FREM2: variants seen among roughly 807,000 people sequenced by gnomAD.
FREM2 encodes the protein FRAS1-related extracellular matrix protein 2.
FREM2 carries 119 observed loss-of-function variants against 219.9 expected under a neutral mutation model. The observed-to-expected ratio is 0.54, with a 90% CI of 0.47 to 0.63. The LOEUF (loss-of-function observed/expected upper bound fraction) is 0.63, where lower values mean the gene tolerates loss of function less well. Among genes scored for constraint, FREM2 ranks in the 30% least tolerant of loss-of-function variants. The probability of loss-of-function intolerance (pLI) is 0.00; values close to 1 mark genes in which losing one functional copy is unlikely to be tolerated. For synonymous variants in FREM2, 1,562 were observed against 1,522.8 expected (o/e 1.03, Z -0.60); for missense variants, 4,030 against 3,993.6 (o/e 1.01, Z -0.25).
chr13:38,829,051 A>G (rs867891790), intron 6 of FREM2, among the ~76,000 whole-genome samples: 2 of 152,238 alleles, frequency 1.3e-5, no homozygotes, highest in Admixed American at 1.3e-4. Context: ...CATGTTATAT[A>G]TATTCTCTCA....
chr13:38,814,033 T>A (rs1480646771), intron 6 of FREM2, among the ~76,000 whole-genome samples: 1 of 152,170 alleles, frequency 6.6e-6, no homozygotes, highest in Non-Finnish European at 1.5e-5. Context: ...CTATAATTTC[T>A]GTTTGATTCT....
intron 2 of FREM2, among the ~76,000 whole-genome samples, chr13:38,740,853 A>T (rs1872214000): frequency 1.3e-5 from 2 of 152,214 alleles, no homozygotes; most frequent in African/African-American, 2.4e-5. Flanking sequence ...AGAAGATAAG[A>T]ATCAGGACTT....
chr13:38,706,685 T>C (rs2138089481), intron 2 of FREM2, among the ~76,000 whole-genome samples: 1 of 152,302 alleles, frequency 6.6e-6, no homozygotes, highest in African/African-American at 2.4e-5. Flanking sequence ...AGGAAAACTA[T>C]ATGCTTTTTA....
intron 15 of FREM2, among the ~76,000 whole-genome samples, chr13:38,863,673 TGTA>T (rs1361678020): frequency 6.6e-6 from 1 of 152,192 alleles, no homozygotes; most frequent in Non-Finnish European, 1.5e-5. Flanking sequence ...TATCATATCT[TGTA>T]GTCTCTGAAA....
intron 6 of FREM2, among the ~76,000 whole-genome samples, chr13:38,791,521 CA>C (rs1400883946): frequency 6.6e-6 from 1 of 152,154 alleles, no homozygotes; most frequent in Non-Finnish European, 1.5e-5. Context: ...CACAGTTCCA[CA>C]TGCCCGGGAA....
At position 38,691,137 on chromosome 13, in the gene FREM2, T is replaced by C; in HGVS notation, c.3793T>C (p.Tyr1265His). ...GATCATAGAGAGTTCCAGCATTATT[T>C]ATGAGCATGATGACTCCGAGACCCA... is the stretch of plus-strand genomic sequence containing the variant. ...DQIIESSSIIYEHDDSETQED... is the reference protein window; with the variant it reads ...DQIIESSSIIHEHDDSETQED... Residue 1265 changes from tyrosine to histidine, a missense_variant, in exon 1 of 24, where the codon TAT becomes CAT. Tyr to His is a moderately conservative substitution (Grantham distance 83). This residue lies in a region of FREM2 where 3,102 missense variants were observed against 2,950.7 expected (regional missense o/e 1.05). Coordinates refer to ENST00000280481, the MANE Select transcript of FREM2 (RefSeq NM_207361.6). 7 of 1,614,092 alleles carry C rather than the reference T, an allele frequency of 4.3e-6. No individual in the cohort carries two copies. Among genetic ancestry groups the C allele is most frequent in the Non-Finnish European group, 5.9e-6 (7 of 1,180,018 alleles).
At chr13:38,728,191 T>A (rs766248307) in intron 2 of FREM2, among the ~76,000 whole-genome samples, 2 of 152,120 alleles carry the variant, frequency 1.3e-5, no homozygotes, top group Non-Finnish European at 2.9e-5. Context: ...TTGTATTCTT[T>A]TTTTTTTCCT....
chr13:38,752,546 T>C (rs1005568414), intron 2 of FREM2, among the ~76,000 whole-genome samples: 9 of 152,172 alleles, frequency 5.9e-5, no homozygotes, highest in Non-Finnish European at 1.2e-4. Flanking sequence ...CCCACCCCAC[T>C]CTAATCTCTT....
At chr13:38,755,348 CAGGAACCCCCAGG>C (rs1872955015) in intron 2 of FREM2, among the ~76,000 whole-genome samples, 1 of 152,178 alleles carries the variant, frequency 6.6e-6, no homozygotes, top group Non-Finnish European at 1.5e-5. Flanking sequence ...CCTGTGGCCC[CAGGAACCCCCAGG>C]GGTGGGCCAC....
At chr13:38,786,599 CA>C (rs1296617236) in intron 6 of FREM2, among the ~76,000 whole-genome samples, 1 of 151,926 alleles carries the variant, frequency 6.6e-6, no homozygotes, top group Non-Finnish European at 1.5e-5. Context: ...GATAATCTAT[CA>C]ATTGTTACAG....
intron 9 of FREM2, 111 bp from the exon 10 acceptor site, chr13:38,850,833 T>C (rs1877341053): frequency 4.3e-6 from 5 of 1,172,070 alleles, no homozygotes; most frequent in Non-Finnish European, 6.3e-6. Context: ...ACACTATTTA[T>C]TGCACTGATA....
intron 2 of FREM2, among the ~76,000 whole-genome samples, chr13:38,712,651 CACACACACACACACACACACACACAA>C (rs1870824923): frequency 3.2e-4 from 1 of 3,172 alleles, no homozygotes. Context: ...TTCTCTCTCT[CACACACACACACACACACACACACAA>C]ACACACACAC....
chr13:38,746,701 A>T (rs1872498968), intron 2 of FREM2, among the ~76,000 whole-genome samples: 1 of 152,182 alleles, frequency 6.6e-6, no homozygotes, highest in African/African-American at 2.4e-5. Flanking sequence ...TCTATACCTG[A>T]CCAATGGCAT....
intron 2 of FREM2, among the ~76,000 whole-genome samples, chr13:38,755,318 C>A (rs560530276): frequency 1.9e-3 from 288 of 152,232 alleles, no homozygotes; most frequent in Admixed American, 4.6e-3. Context: ...ATGCCCAACT[C>A]CCCCATAGGA....
intron 2 of FREM2, among the ~76,000 whole-genome samples, chr13:38,709,974 TCTAA>T (rs1160091295): frequency 7.0e-6 from 1 of 143,048 alleles, no homozygotes; most frequent in Non-Finnish European, 1.5e-5. Context: ...GAAAAATTAG[TCTAA>T]CTAAAAATAC....
chr13:38,813,670 G>A (rs1304985968), intron 6 of FREM2, among the ~76,000 whole-genome samples: 1 of 147,124 alleles, frequency 6.8e-6, no homozygotes, highest in Admixed American at 6.9e-5. Context: ...AATGCCTTGA[G>A]GTAGTCTCCT....
At chr13:38,693,156 A>G (rs1869966626) in intron 1 of FREM2, among the ~76,000 whole-genome samples, 2 of 152,232 alleles carry the variant, frequency 1.3e-5, no homozygotes, top group African/African-American at 4.8e-5. Context: ...AGTTATAACA[A>G]TGATATTTAC....
chr13:38,727,674 A>G (rs1037873922), intron 2 of FREM2, among the ~76,000 whole-genome samples: 3 of 152,254 alleles, frequency 2.0e-5, no homozygotes, highest in Admixed American at 1.3e-4. Flanking sequence ...TAGTGAATCA[A>G]TGTGCACCAA....
chr13:38,864,268 A>G lies in FREM2; in HGVS notation c.7652-7A>G. On this transcript the variant is annotated splice_region_variant and splice_polypyrimidine_tract_variant and intron_variant, in intron 15 of 23. Transcript: ENST00000280481. ...AGACTGTTAACAATGATTTCGATTT[A>G]TCATAGGCATGCTCCCCGTGATCTC... is the stretch of plus-strand genomic sequence containing the variant. 6.2e-7 allele frequency: 1 copy of G among 1,610,122 alleles called. No individual in the cohort carries two copies.
Sources: gnomAD v4.1 joint callset for allele counts (sites outside exome capture counted in the v4.1 genomes callset) on GRCh38, gnomAD v4.1.1 for gene constraint, gnomAD v4.1.1 regional missense constraint, MANE v1.5 for transcripts, NCBI Gene and HGNC (gene_info 2026-07-23, HGNC 2026-07-21) for gene names.